Variants in WWOX observed in about 807,000 individuals in gnomAD.
WWOX encodes the protein WW domain containing oxidoreductase.
A neutral mutation model predicts 46.2 loss-of-function variants in WWOX; 69 were observed. The ratio of observed to expected loss-of-function variants is 1.49; its 90% CI spans 1.23 to 1.82. WWOX has a LOEUF of 1.82. WWOX is among the 40% of genes most tolerant of loss of function. The probability of loss-of-function intolerance (pLI) is 0.00; values close to 1 mark genes in which losing one functional copy is unlikely to be tolerated. For synonymous variants in WWOX, 359 were observed against 202.6 expected (o/e 1.77, Z -6.56); for missense variants, 919 against 542.6 (o/e 1.69, Z -6.89).
intron 8 of WWOX, among the ~76,000 whole-genome samples, chr16:78,487,381 A>G (rs943506585): frequency 3.3e-5 from 5 of 152,138 alleles, no homozygotes; most frequent in Admixed American, 6.5e-5. Context: ...TATCCCATCT[A>G]CTAATACAAA....
At chr16:78,466,043 T>C (rs564377655) in intron 8 of WWOX, among the ~76,000 whole-genome samples, 2 of 152,134 alleles carry the variant, frequency 1.3e-5, no homozygotes, top group South Asian at 4.2e-4. Flanking sequence ...TTTTTTGTTT[T>C]TTTTTTGAGA....
At chr16:78,297,644 T>C (rs1314718405) in intron 5 of WWOX, among the ~76,000 whole-genome samples, 2 of 152,176 alleles carry the variant, frequency 1.3e-5, no homozygotes, top group Non-Finnish European at 2.9e-5. Flanking sequence ...CAAACATAGA[T>C]GACACAACTG....
intron 5 of WWOX, among the ~76,000 whole-genome samples, chr16:78,368,254 T>C (rs1469460655): frequency 1.3e-5 from 2 of 152,214 alleles, no homozygotes; most frequent in Non-Finnish European, 1.5e-5. Flanking sequence ...GAATGGATTT[T>C]CTAAATTTAT....
At chr16:78,951,595 A>G (rs1414292626) in intron 8 of WWOX, among the ~76,000 whole-genome samples, 1 of 152,234 alleles carries the variant, frequency 6.6e-6, no homozygotes, top group Admixed American at 6.5e-5. Context: ...CACAGCAGCT[A>G]TACTGCTCCA....
chr16:78,677,131 G>T (rs1204609044), intron 8 of WWOX, among the ~76,000 whole-genome samples: 5 of 151,860 alleles, frequency 3.3e-5, no homozygotes, highest in African/African-American at 1.2e-4. Flanking sequence ...CTACACATAA[G>T]GACACAGTGT....
chr16:78,934,069 C>T (rs947918987), intron 8 of WWOX, among the ~76,000 whole-genome samples: 62 of 152,076 alleles, frequency 4.1e-4, no homozygotes, highest in Non-Finnish European at 4.3e-4. Context: ...GGCACGGTGG[C>T]TCATGCTGGT....
chr16:78,247,300 G>C (rs950741946), intron 5 of WWOX, among the ~76,000 whole-genome samples: 10 of 152,134 alleles, frequency 6.6e-5, no homozygotes, highest in Non-Finnish European at 1.3e-4. Flanking sequence ...TTAAACTTTG[G>C]TCACTTTTAT....
intron 8 of WWOX, among the ~76,000 whole-genome samples, chr16:78,497,866 ATT>A (rs10577802): frequency 0.71 from 103,313 of 146,332 alleles, 38,853 homozygotes; most frequent in Non-Finnish European, 0.84. Context: ...TTATAAAAAA[ATT>A]AAAAAAGCCC....
intron 8 of WWOX, among the ~76,000 whole-genome samples, chr16:78,939,290 G>T (rs1301327814): frequency 6.6e-6 from 1 of 152,212 alleles, no homozygotes; most frequent in East Asian, 1.9e-4. Flanking sequence ...TAGAGAGGCT[G>T]CTACCTGGAT....
At chr16:78,613,057 T>C (rs1448696900) in intron 8 of WWOX, among the ~76,000 whole-genome samples, 3 of 152,074 alleles carry the variant, frequency 2.0e-5, no homozygotes, top group African/African-American at 7.3e-5. Context: ...CTTGAGAGTT[T>C]GTAGGAAACT....
chr16:78,474,952 A>G (rs796934885), intron 8 of WWOX, among the ~76,000 whole-genome samples: 45 of 152,296 alleles, frequency 3.0e-4, no homozygotes, highest in African/African-American at 1.1e-3. Flanking sequence ...GAGTAAACAT[A>G]TGTACAAAAA....
Position 78,960,087 on chromosome 16 carries a change from C to G in WWOX, c.1057-251521C>G, listed in dbSNP as rs1026823105. On this transcript the variant is annotated intron_variant, in intron 8 of 8. Transcript: ENST00000566780. Reference sequence around the variant, plus strand: ...AGACTAAATGGCTACAGGTCAGGGTCATTGTCAAAGAGTGAGGGATAAGGG... The same window carrying G: ...AGACTAAATGGCTACAGGTCAGGGTGATTGTCAAAGAGTGAGGGATAAGGG... 4.6e-5 allele frequency among the ~76,000 whole-genome samples: 7 copies of G among 152,256 alleles called. No individual in the cohort carries two copies. The East Asian group carries it at 7.7e-4, about 17-fold the overall frequency.
chr16:78,589,510 A>T (rs1019421510), intron 8 of WWOX, among the ~76,000 whole-genome samples: 4 of 152,148 alleles, frequency 2.6e-5, no homozygotes, highest in African/African-American at 9.7e-5. Flanking sequence ...CTCCCTGCCC[A>T]TGGCACTCAA....
intron 8 of WWOX, among the ~76,000 whole-genome samples, chr16:79,124,422 G>A (rs985389564): frequency 1.3e-5 from 2 of 152,130 alleles, no homozygotes; most frequent in East Asian, 1.9e-4. Flanking sequence ...AAATACAACC[G>A]AGGTTCCTCA....
At chr16:78,937,431 CTTTGTA>C (rs1473199495) in intron 8 of WWOX, among the ~76,000 whole-genome samples, 4 of 111,922 alleles carry the variant, frequency 3.6e-5, no homozygotes, top group African/African-American at 1.1e-4. Flanking sequence ...CTTTAGAGAA[CTTTGTA>C]TTTGTATTAA....
At chr16:78,421,928 T>C (rs1170656175) in intron 6 of WWOX, among the ~76,000 whole-genome samples, 1 of 152,208 alleles carries the variant, frequency 6.6e-6, no homozygotes, top group African/African-American at 2.4e-5. Context: ...GATACATGTT[T>C]TCAACTTAAT....
At chr16:78,874,470 A>G (rs993730713) in intron 8 of WWOX, among the ~76,000 whole-genome samples, 2 of 152,086 alleles carry the variant, frequency 1.3e-5, no homozygotes, top group South Asian at 4.2e-4. Flanking sequence ...GATTTCAAAA[A>G]ATTATGGACT....
intron 8 of WWOX, among the ~76,000 whole-genome samples, chr16:78,519,549 G>A (rs975550620): frequency 2.0e-5 from 3 of 151,924 alleles, no homozygotes; most frequent in South Asian, 4.1e-4. Flanking sequence ...TATTTAGGGT[G>A]TGCTATGGTT....
intron 5 of WWOX, among the ~76,000 whole-genome samples, chr16:78,300,438 T>TTA (rs2080019190): frequency 6.6e-6 from 1 of 151,990 alleles, no homozygotes; most frequent in Admixed American, 6.6e-5. Context: ...TGCCACCTTT[T>TTA]TATTCTCTAA....
Sources: allele counts gnomAD v4.1 joint callset (sites outside exome capture counted in the v4.1 genomes callset), GRCh38; gene constraint gnomAD v4.1.1; transcripts MANE v1.5; gene names NCBI Gene and HGNC (gene_info 2026-07-23, HGNC 2026-07-21).